ARHGEF7: variants seen among roughly 807,000 people sequenced by gnomAD.
ARHGEF7 encodes PAK-interacting exchange factor beta.
ARHGEF7 carries 33 observed loss-of-function variants against 109.8 expected under a neutral mutation model. That is an observed-to-expected ratio of 0.30 (90% CI 0.23 to 0.40). The LOEUF is 0.40. Among genes scored for constraint, ARHGEF7 ranks in the 10% least tolerant of loss-of-function variants. ARHGEF7 has a pLI of 1.00. For synonymous variants in ARHGEF7, 458 were observed against 424.6 expected, an observed-to-expected ratio of 1.08 and a Z score of -0.97; for missense variants, 938 against 1,098.5, an observed-to-expected ratio of 0.85 and a Z score of 2.07.
At chr13:111,200,047 G>A (rs890041303) in intron 2 of ARHGEF7, among the ~76,000 whole-genome samples, 20 of 152,184 alleles carry the variant, frequency 1.3e-4, no homozygotes, top group East Asian at 5.8e-4. Context: ...GCTTTCTGCC[G>A]CCGTGGACTA....
intron 21 of ARHGEF7, among the ~76,000 whole-genome samples, 199 bp from the exon 22 acceptor site, chr13:111,302,792 G>A (rs139543767): frequency 5.0e-4 from 76 of 152,314 alleles, no homozygotes; most frequent in African/African-American, 1.6e-3. Flanking sequence ...CCCGGGAACA[G>A]CAGCACAGTC....
chr13:111,247,852 C>T (rs1033391829), intron 8 of ARHGEF7, among the ~76,000 whole-genome samples: 1 of 152,156 alleles, frequency 6.6e-6, no homozygotes, highest in African/African-American at 2.4e-5. Context: ...AATATTTACT[C>T]CTTGGCTTTT....
At chr13:111,221,439 ATATATC>A (rs1374116407) in intron 5 of ARHGEF7, among the ~76,000 whole-genome samples, 1 of 70,064 alleles carries the variant, frequency 1.4e-5, no homozygotes, top group African/African-American at 5.9e-5. Context: ...ATATAGATAT[ATATATC>A]TATATATATA....
rs564055962 is a variant in ARHGEF7 at position 111,188,621 on chromosome 13, G to T, written c.253-16668G>T. Among the ~76,000 whole-genome samples, 3 of 152,216 alleles carry T rather than the reference G, an allele frequency of 2.0e-5. No individual in the cohort carries two copies. In the East Asian group the frequency reaches 5.8e-4, roughly 29 times the overall value. The stretch of plus-strand genomic sequence containing the variant: ...TGGAGATTTCTGTAAAACAGCAGCC[G>T]TTAGCAGTTATGTGATTACTGTGTT... On this transcript the variant is annotated intron_variant, in intron 2 of 21. Coordinates refer to ENST00000646102, the MANE Select transcript of ARHGEF7 (RefSeq NM_001354046.2).
intron 2 of ARHGEF7, among the ~76,000 whole-genome samples, chr13:111,188,977 C>T (rs896501706): frequency 2.0e-5 from 3 of 152,152 alleles, no homozygotes; most frequent in South Asian, 2.1e-4. Context: ...GTTTTGCACC[C>T]CCAAAGGTTT....
intron 8 of ARHGEF7, among the ~76,000 whole-genome samples, chr13:111,263,234 A>G (rs1457855432): frequency 6.6e-6 from 1 of 152,210 alleles, no homozygotes; most frequent in Non-Finnish European, 1.5e-5. Flanking sequence ...CAAGGGCTTT[A>G]TCAGCCATGA....
At chr13:111,123,105 G>C (rs2067305418) in intron 1 of ARHGEF7, among the ~76,000 whole-genome samples, 1 of 152,222 alleles carries the variant, frequency 6.6e-6, no homozygotes, top group Non-Finnish European at 1.5e-5. Context: ...GTAGGAGTCT[G>C]CTTCCTCACT....
intron 19 of ARHGEF7, chr13:111,295,073 T>C: frequency 1.0e-6 from 1 of 985,080 alleles, no homozygotes; most frequent in Non-Finnish European, 1.2e-6. Context: ...TATATCTGAA[T>C]GTTGCATTGT....
chr13:111,211,388 A>G (rs1340929053), intron 4 of ARHGEF7, among the ~76,000 whole-genome samples: 1 of 151,938 alleles, frequency 6.6e-6, no homozygotes, highest in Non-Finnish European at 1.5e-5. Flanking sequence ...ACTGGTGGCA[A>G]TTTTCATCTG....
At chr13:111,268,813 A>T (rs1386892413) in intron 9 of ARHGEF7, among the ~76,000 whole-genome samples, 1 of 152,238 alleles carries the variant, frequency 6.6e-6, no homozygotes, top group Non-Finnish European at 1.5e-5. Flanking sequence ...GAACGCACCA[A>T]ATGCTCAGTG....
intron 9 of ARHGEF7, 103 bp downstream of exon 9, chr13:111,267,773 G>A: frequency 7.1e-7 from 1 of 1,409,742 alleles, no homozygotes; most frequent in Non-Finnish European, 9.6e-7. Context: ...GGTTATTAAA[G>A]GGTATGAATT....
intron 8 of ARHGEF7, chr13:111,265,621 C>T (rs1270708538): frequency 1.3e-5 from 6 of 456,724 alleles, no homozygotes; most frequent in South Asian, 9.3e-5. Context: ...CCAGCAGACA[C>T]ATTTGGGAGC....
chr13:111,287,889 C>T lies in ARHGEF7; in HGVS notation c.2045-465C>T, dbSNP rs540774174. On this transcript the variant is annotated intron_variant, in intron 17 of 21. Coordinates refer to ENST00000646102, the MANE Select transcript of ARHGEF7 (RefSeq NM_001354046.2). ...CTGCCGTGTGGGGAACAGACAGGCACGGATGGCCACGTCGACACTGAGAGT... is the reference window on the plus strand; with the variant it reads ...CTGCCGTGTGGGGAACAGACAGGCATGGATGGCCACGTCGACACTGAGAGT... Among the ~76,000 whole-genome samples the T allele has an allele frequency of 2.8e-3, 424 of 152,356 alleles. 6 individuals carry two copies. Among genetic ancestry groups the T allele is most frequent in the Non-Finnish European group, 3.8e-3 (259 of 68,028 alleles).
chr13:111,129,131 A>G (rs2153339115), intron 1 of ARHGEF7, among the ~76,000 whole-genome samples: 1 of 152,340 alleles, frequency 6.6e-6, no homozygotes, highest in African/African-American at 2.4e-5. Context: ...CTTTTCAGTA[A>G]ATGATACTGG....
At chr13:111,204,484 C>T (rs2081545489) in intron 2 of ARHGEF7, among the ~76,000 whole-genome samples, 1 of 152,154 alleles carries the variant, frequency 6.6e-6, no homozygotes, top group Admixed American at 6.5e-5. Flanking sequence ...AGTCTTTGGG[C>T]AGTATCTGAG....
intron 5 of ARHGEF7, among the ~76,000 whole-genome samples, chr13:111,223,369 A>G (rs755490790): frequency 1.3e-5 from 2 of 152,210 alleles, no homozygotes; most frequent in Non-Finnish European, 2.9e-5. Context: ...TTCTTTATTC[A>G]TGAAAACACT....
At chr13:111,254,072 T>C (rs1036189681) in intron 8 of ARHGEF7, among the ~76,000 whole-genome samples, 3 of 152,230 alleles carry the variant, frequency 2.0e-5, no homozygotes, top group South Asian at 2.1e-4. Flanking sequence ...ATTGTGGTGC[T>C]GGTTCATGGG....
chr13:111,194,605 C>T (rs1464252448), intron 2 of ARHGEF7, among the ~76,000 whole-genome samples: 1 of 152,222 alleles, frequency 6.6e-6, no homozygotes. Context: ...CCTTGATCAG[C>T]TAGAAAGTTC....
At chr13:111,152,459 TAC>T (rs1273915106) in intron 1 of ARHGEF7, among the ~76,000 whole-genome samples, 8 of 152,368 alleles carry the variant, frequency 5.3e-5, no homozygotes, top group South Asian at 2.1e-4. Flanking sequence ...TGAAAAAATG[TAC>T]AGTTTCGATG....
Sources: gnomAD v4.1 joint callset for allele counts (sites outside exome capture counted in the v4.1 genomes callset) on GRCh38, gnomAD v4.1.1 for gene constraint, MANE v1.5 for transcripts, NCBI Gene and HGNC (gene_info 2026-07-23, HGNC 2026-07-21) for gene names.